TRAIP: variants seen among roughly 807,000 people sequenced by gnomAD.
The protein encoded by TRAIP is TRAF interacting protein.
Under a neutral mutation model 65.0 loss-of-function variants are expected in TRAIP, and 37 were observed. The ratio of observed to expected loss-of-function variants is 0.57; its 90% CI spans 0.44 to 0.75. TRAIP has a LOEUF of 0.75. Ranked by LOEUF, TRAIP falls within the 30% of genes least tolerant of loss-of-function variation. The pLI is 0.00. For synonymous variants in TRAIP, 187 were observed against 219.1 expected, an observed-to-expected ratio of 0.85 and a Z score of 1.29; for missense variants, 481 against 579.4, an observed-to-expected ratio of 0.83 and a Z score of 1.74.
rs558716231 is a variant in TRAIP at position 49,846,355 on chromosome 3, C to T, written c.240+1170G>A. Among the ~76,000 whole-genome samples the T allele has an allele frequency of 5.3e-5, 8 of 152,118 alleles. No homozygotes were observed. In the East Asian group the frequency reaches 5.8e-4, roughly 11 times the overall value. On this transcript the variant is annotated intron_variant, in intron 3 of 14. Coordinates refer to ENST00000331456, the MANE Select transcript of TRAIP (RefSeq NM_005879.3). ...CTGGGATTACAGGTGTGAGCCATCA[C>T]GCCCAGCCTCCCCAGGCAATTTTGA...
chr3:49,829,456 A>G lies in TRAIP; in HGVS notation c.1287+2T>C. ...CAGCTCAACATCACAGGAAAAGGAT[A>G]CAGGCTGGATGAATTTTGTCCGGCC... On this transcript the variant is annotated splice_donor_variant, in intron 14 of 14. Coordinates refer to ENST00000331456, the MANE Select transcript of TRAIP (RefSeq NM_005879.3). LOFTEE classifies it high-confidence loss of function. 1 of 1,614,136 alleles carries G rather than the reference A, an allele frequency of 6.2e-7. No homozygotes were observed. The highest frequency in any genetic ancestry group is 8.5e-7 in the Non-Finnish European group (1 of 1,180,020).
At chr3:49,851,427 C>T (rs1329039614) in intron 1 of TRAIP, among the ~76,000 whole-genome samples, 1 of 152,228 alleles carries the variant, frequency 6.6e-6, no homozygotes. Flanking sequence ...CTCACTCTGT[C>T]ATCCAGGCTG....
intron 11 of TRAIP, among the ~76,000 whole-genome samples, chr3:49,830,675 G>A: frequency 6.6e-6 from 1 of 152,188 alleles, no homozygotes; most frequent in Admixed American, 6.5e-5. Flanking sequence ...GCCAGAAACT[G>A]TATTTCCATC....
chr3:49,835,709 G>T (rs141502075), intron 10 of TRAIP, among the ~76,000 whole-genome samples: 3 of 152,078 alleles, frequency 2.0e-5, no homozygotes, highest in African/African-American at 7.2e-5. Flanking sequence ...GGAGGCCGAG[G>T]TGGGTGGATC....
chr3:49,845,859 C>T (rs565588818), intron 3 of TRAIP, among the ~76,000 whole-genome samples: 19 of 152,302 alleles, frequency 1.2e-4, no homozygotes, highest in African/African-American at 4.6e-4. Flanking sequence ...AACATGCTTG[C>T]TCTAAGCACA....
chr3:49,850,399 T>G (rs2081920445), intron 1 of TRAIP, among the ~76,000 whole-genome samples: 1 of 151,424 alleles, frequency 6.6e-6, no homozygotes, highest in African/African-American at 2.4e-5. Flanking sequence ...CTTGGGAGAC[T>G]AAGGCAGAAG....
chr3:49,856,331 G>C (rs753097579), intron 1 of TRAIP, 25 bp downstream of exon 1: 9 of 1,604,502 alleles, frequency 5.6e-6, no homozygotes, highest in Non-Finnish European at 7.7e-6. Flanking sequence ...GGCAAACACC[G>C]GGCCCCAACA....
intron 5 of TRAIP, 172 bp downstream of exon 5, chr3:49,843,629 G>T: frequency 1.2e-6 from 1 of 826,810 alleles, no homozygotes; most frequent in Non-Finnish European, 1.9e-6. Context: ...TTATGGGATG[G>T]ATGGGTACAG....
chr3:49,829,782 C>T lies in TRAIP; in HGVS notation c.1087-16G>A. 6.2e-7 allele frequency: 1 copy of T among 1,613,618 alleles called. No homozygotes were observed. On this transcript the variant is annotated splice_polypyrimidine_tract_variant and intron_variant, in intron 12 of 14. Transcript: ENST00000331456. ...GCTGGGACTCCTGCAGGGAAGACCC[C>T]AGGGCCAGACTTGATGAGCTGGATG... is the stretch of plus-strand genomic sequence containing the variant.
At chr3:49,853,148 G>GTAA (rs2081947725) in intron 1 of TRAIP, among the ~76,000 whole-genome samples, 2 of 151,650 alleles carry the variant, frequency 1.3e-5, no homozygotes, top group South Asian at 4.2e-4. Context: ...AAAGAAAAAG[G>GTAA]TAAAAAGAAA....
At chr3:49,829,331 C>A in intron 14 of TRAIP, 106 bp from the exon 15 acceptor site, 1 of 1,611,528 alleles carries the variant, frequency 6.2e-7, no homozygotes, top group Non-Finnish European at 8.5e-7. Context: ...GTGGGCGGCG[C>A]TGATACACAG....
chr3:49,838,946 A>G (rs1394294067), intron 10 of TRAIP, among the ~76,000 whole-genome samples: 1 of 150,628 alleles, frequency 6.6e-6, no homozygotes, highest in African/African-American at 2.4e-5. Context: ...ATCCCAGCAC[A>G]TTGGGAGGCC....
chr3:49,840,677 T>C (rs1042021635), intron 8 of TRAIP: 5 of 562,678 alleles, frequency 8.9e-6, no homozygotes, highest in East Asian at 2.9e-5. Context: ...AATAGGCCTC[T>C]GATGCTGTCA....
At chr3:49,851,699 AC>A (rs2081933453) in intron 1 of TRAIP, among the ~76,000 whole-genome samples, 1 of 115,444 alleles carries the variant, frequency 8.7e-6, no homozygotes, top group Non-Finnish European at 1.9e-5. Flanking sequence ...CCAAAAAAAC[AC>A]TTTTTTTTTT....
intron 9 of TRAIP, 89 bp downstream of exon 9, chr3:49,840,195 C>A: frequency 8.2e-7 from 1 of 1,222,938 alleles, no homozygotes. Context: ...CTGACTGGTG[C>A]AAGGGTCCTG....
Position 49,847,542 on chromosome 3 carries a change from C to T in TRAIP, c.223G>A (p.Asp75Asn). Residue 75 changes from aspartate (D) to asparagine (N), a missense_variant, in exon 3 of 15, where the codon GAT becomes AAT. By Grantham distance (23) the Asp-to-Asn change is conservative. Transcript: ENST00000331456. ...DLAQEEENVL[D>N]AEFLKNELDN... Reference sequence around the variant, plus strand: ...CTGGGTACCTTTAAGAATTCTGCATCCAAGACATTCTCCTCCTCCTGGGCA... The same window carrying T: ...CTGGGTACCTTTAAGAATTCTGCATTCAAGACATTCTCCTCCTCCTGGGCA... The T allele has an allele frequency of 6.2e-7, 1 of 1,611,424 alleles. No homozygotes were observed. Among genetic ancestry groups the T allele is most frequent in the Non-Finnish European group, 8.5e-7 (1 of 1,178,944 alleles).
chr3:49,851,926 T>C (rs1312424462), intron 1 of TRAIP, among the ~76,000 whole-genome samples: 1 of 147,982 alleles, frequency 6.8e-6, no homozygotes, highest in Non-Finnish European at 1.5e-5. Flanking sequence ...CTCGATCTCC[T>C]GACCTCGTGA....
chr3:49,841,112 C>T lies in TRAIP; in HGVS notation c.618-40G>A, dbSNP rs1186892963. 1.9e-6 allele frequency: 3 copies of T among 1,561,784 alleles called. No individual in the cohort carries two copies. In the South Asian group the frequency reaches 3.3e-5, roughly 17 times the overall value. ...TGGAAAGAGATGCCAGAAAAGAACA[C>T]CTGCAGGTCAGACTGAGCCACAGCA... On this transcript the variant is annotated intron_variant, in intron 7 of 14. Coordinates refer to ENST00000331456, the MANE Select transcript of TRAIP (RefSeq NM_005879.3).
In TRAIP at chr3:49,832,513, A is replaced by AAATTT. The variant is rs1471064558; in HGVS notation, c.885-450_885-446dup. 1.8e-3 allele frequency among the ~76,000 whole-genome samples: 257 copies of AAATTT among 146,244 alleles called. 1 individual carries two copies. Among genetic ancestry groups the AAATTT allele is most frequent in the African/African-American group, 6.3e-3 (245 of 39,132 alleles). On this transcript the variant is annotated intron_variant, in intron 10 of 14. Transcript: ENST00000331456. ...TCAGGAAAAAAAAAAAAAAAAGTTTAAATTTAATTTAATTTAAAAAGCACA... is the reference window on the plus strand; with the variant it reads ...TCAGGAAAAAAAAAAAAAAAAGTTTAAATTTAATTTAATTTAATTTAAAAAGCACA...
Sources: allele counts gnomAD v4.1 joint callset (sites outside exome capture counted in the v4.1 genomes callset), GRCh38; gene constraint gnomAD v4.1.1; transcripts MANE v1.5; gene names NCBI Gene and HGNC (gene_info 2026-07-23, HGNC 2026-07-21).